The following CALN1 variants were observed in gnomAD, a reference collection of about 807,000 sequenced individuals.
CALN1 encodes calcium-binding protein 8.
CALN1 carries 17 observed loss-of-function variants against 30.6 expected under a neutral mutation model. The observed-to-expected ratio is 0.56, with a 90% CI of 0.38 to 0.83. CALN1 has a LOEUF of 0.83. Ranked by LOEUF, CALN1 falls within the 40% of genes least tolerant of loss-of-function variation. The pLI, the probability that CALN1 is intolerant of heterozygous loss-of-function variation, is 0.00. For missense variants in CALN1, 291 were observed against 354.9 expected (o/e 0.82, Z 1.45); for synonymous variants, 156 against 131.4 (o/e 1.19, Z -1.28).
chr7:72,191,156 C>A (rs1790568961), intron 3 of CALN1, among the ~76,000 whole-genome samples: 1 of 152,188 alleles, frequency 6.6e-6, no homozygotes, highest in Admixed American at 6.5e-5. Context: ...AGAATAAAGT[C>A]ATGCGAGCAG....
At chr7:72,164,094 G>T (rs755748223) in intron 3 of CALN1, among the ~76,000 whole-genome samples, 2 of 152,186 alleles carry the variant, frequency 1.3e-5, no homozygotes, top group African/African-American at 4.8e-5. Context: ...TGGACCAGGT[G>T]CAGTGGCTCA....
At chr7:72,403,723 A>G (rs996663525) in intron 1 of CALN1, among the ~76,000 whole-genome samples, 1 of 152,196 alleles carries the variant, frequency 6.6e-6, no homozygotes, top group Admixed American at 6.5e-5. Flanking sequence ...CCCCGTGGGC[A>G]TTGCTGGAGT....
At chr7:72,403,526 C>T (rs566543449) in intron 1 of CALN1, 84 bp from the exon 2 acceptor site, 4 of 551,634 alleles carry the variant, frequency 7.3e-6, no homozygotes, top group South Asian at 5.9e-5. Flanking sequence ...ATAATTCACA[C>T]CCTCCCTTCC....
intron 2 of CALN1, among the ~76,000 whole-genome samples, chr7:72,338,225 A>G (rs1802191592): frequency 6.6e-6 from 1 of 152,108 alleles, no homozygotes; most frequent in African/African-American, 2.4e-5. Flanking sequence ...GTCCTTCCTT[A>G]CAGCACCCTC....
intron 1 of CALN1, among the ~76,000 whole-genome samples, chr7:72,404,197 T>C (rs903981509): frequency 8.5e-5 from 13 of 152,168 alleles, no homozygotes; most frequent in African/African-American, 2.9e-4. Context: ...GCACCCCTCG[T>C]CTCTGCCTAC....
At chr7:72,022,233 A>G (rs1231141429) in intron 5 of CALN1, among the ~76,000 whole-genome samples, 1 of 152,238 alleles carries the variant, frequency 6.6e-6, no homozygotes, top group Non-Finnish European at 1.5e-5. Flanking sequence ...TCATCTATTG[A>G]AACAAATAGT....
chr7:72,297,459 T>TGG (rs1481914454), intron 2 of CALN1, among the ~76,000 whole-genome samples: 1 of 152,164 alleles, frequency 6.6e-6, no homozygotes, highest in East Asian at 1.9e-4. Context: ...TCCTGAAATA[T>TGG]GGGAATTCTA....
In CALN1 at chr7:72,086,976, G is replaced by A. The variant is rs374027581; in HGVS notation, c.388+19175C>T. 1.3e-4 allele frequency among the ~76,000 whole-genome samples: 19 copies of A among 151,952 alleles called. No individual in the cohort carries two copies. In the East Asian group the frequency reaches 2.9e-3, roughly 23 times the overall value. On this transcript the variant is annotated intron_variant, in intron 4 of 6. Transcript: ENST00000395275. The stretch of plus-strand genomic sequence containing the variant: ...AAATTACATGATTATCTCAATAGAC[G>A]TCAAAAAGTTACTCAAAGTTGTTAC...
intron 2 of CALN1, among the ~76,000 whole-genome samples, chr7:72,351,170 A>C: frequency 6.6e-6 from 1 of 152,296 alleles, no homozygotes; most frequent in Middle Eastern, 3.4e-3. Flanking sequence ...TAATTTTAAA[A>C]AATAAAGGTG....
intron 5 of CALN1, among the ~76,000 whole-genome samples, chr7:71,898,025 G>A (rs1793645325): frequency 7.3e-6 from 1 of 136,106 alleles, no homozygotes; most frequent in Non-Finnish European, 1.5e-5. Context: ...GGGGGAGAGA[G>A]AGAGAGAGAG....
At chr7:72,079,377 A>G (rs1271004472) in intron 4 of CALN1, among the ~76,000 whole-genome samples, 1 of 152,158 alleles carries the variant, frequency 6.6e-6, no homozygotes, top group Non-Finnish European at 1.5e-5. Context: ...ATATAAAACC[A>G]AGGTGTTAAT....
intron 4 of CALN1, among the ~76,000 whole-genome samples, chr7:72,091,744 A>T (rs1411681082): frequency 6.6e-6 from 1 of 152,232 alleles, no homozygotes; most frequent in Non-Finnish European, 1.5e-5. Flanking sequence ...CCGTACCCAG[A>T]GGGGATGGCC....
chr7:72,401,734 G>A (rs1429612710), intron 2 of CALN1, among the ~76,000 whole-genome samples: 2 of 152,326 alleles, frequency 1.3e-5, no homozygotes, highest in African/African-American at 4.8e-5. Context: ...CATTTTTAAT[G>A]TAACAGTGTG....
intron 2 of CALN1, among the ~76,000 whole-genome samples, chr7:72,310,335 T>A (rs905819170): frequency 2.0e-5 from 3 of 150,192 alleles, no homozygotes; most frequent in Non-Finnish European, 4.4e-5. Flanking sequence ...AAGATACTTA[T>A]CACAGAGGCT....
At chr7:72,055,309 T>C (rs986685563) in intron 4 of CALN1, among the ~76,000 whole-genome samples, 1 of 152,054 alleles carries the variant, frequency 6.6e-6, no homozygotes, top group Non-Finnish European at 1.5e-5. Context: ...ACCAAGCTGG[T>C]AAAGATTAAC....
At chr7:71,921,994 T>C (rs1584515635) in intron 5 of CALN1, among the ~76,000 whole-genome samples, 1 of 152,332 alleles carries the variant, frequency 6.6e-6, no homozygotes, top group African/African-American at 2.4e-5. Context: ...AATGAGTGCG[T>C]TCTTACTGAG....
intron 3 of CALN1, among the ~76,000 whole-genome samples, chr7:72,193,770 T>A (rs1459910289): frequency 6.6e-6 from 1 of 152,200 alleles, no homozygotes; most frequent in Non-Finnish European, 1.5e-5. Flanking sequence ...TTGTCTATAC[T>A]ATTCAGCCAT....
chr7:72,336,973 G>T, intron 2 of CALN1: 5 of 985,256 alleles, frequency 5.1e-6, no homozygotes, highest in Non-Finnish European at 6.0e-6. Flanking sequence ...CGCGATCTGG[G>T]CGCGTGCCTC....
chr7:71,854,772 G>C (rs987685408), intron 5 of CALN1, among the ~76,000 whole-genome samples: 1 of 152,224 alleles, frequency 6.6e-6, no homozygotes, highest in African/African-American at 2.4e-5. Context: ...GTGAGTGTCT[G>C]TCAGTCAGTG....
Sources: gnomAD v4.1 joint callset for allele counts (sites outside exome capture counted in the v4.1 genomes callset) on GRCh38, gnomAD v4.1.1 for gene constraint, MANE v1.5 for transcripts, NCBI Gene and HGNC (gene_info 2026-07-23, HGNC 2026-07-21) for gene names.